The following CCDC73 variants were observed in gnomAD, a reference collection of about 807,000 sequenced individuals.
CCDC73 encodes coiled-coil domain containing 73.
In CCDC73, 95 loss-of-function variants were observed where a neutral mutation model predicts 116.5. The observed-to-expected ratio is 0.82, with a 90% CI of 0.69 to 0.97. CCDC73 has a LOEUF of 0.97. CCDC73 is among the 50% of genes least tolerant of loss of function. CCDC73 has a pLI of 0.00. For synonymous variants in CCDC73, 398 were observed against 401.3 expected, an observed-to-expected ratio of 0.99 and a Z score of 0.10; for missense variants, 1,066 against 1,206.8, an observed-to-expected ratio of 0.88 and a Z score of 1.73.
chr11:32,703,694 T>C (rs1849831692), intron 3 of CCDC73, among the ~76,000 whole-genome samples: 1 of 152,050 alleles, frequency 6.6e-6, no homozygotes, highest in Non-Finnish European at 1.5e-5. Flanking sequence ...TTAAGTTCCC[T>C]GGAATAATTT....
intron 2 of CCDC73, among the ~76,000 whole-genome samples, chr11:32,755,805 A>ATATATATATCTCCATATATGTGTGTG: frequency 7.6e-6 from 1 of 131,526 alleles, no homozygotes; most frequent in South Asian, 2.3e-4. Context: ...ATATGTGTAT[A>ATATATATATCTCCATATATGTGTGTG]TATATATCTC....
chr11:32,620,632 AAG>A (rs1554961293), intron 14 of CCDC73, among the ~76,000 whole-genome samples: 13 of 150,804 alleles, frequency 8.6e-5, no homozygotes, highest in African/African-American at 2.4e-4. Flanking sequence ...AAAAAAAAAA[AAG>A]AAGTGACATT....
At chr11:32,811,949 CT>C in the CCDC73 span, among the ~76,000 whole-genome samples, 3,991 of 146,382 alleles carry the variant, frequency 0.027, 157 homozygotes, top group African/African-American at 0.09. Flanking sequence ...ATGGTTGATC[CT>C]TTTTTTTTTT....
rs555641609 is a variant in CCDC73 at position 32,727,634 on chromosome 11, G to A, written c.136-9487C>T. ...GTCCCCCAGGCTGGAGCGCAGTGGC[G>A]CCATCTCGGCTCACTGCAACCTCTG... On this transcript the variant is annotated intron_variant, in intron 2 of 17. Transcript: ENST00000335185. Among the ~76,000 whole-genome samples the A allele has an allele frequency of 1.7e-3, 259 of 152,100 alleles. 1 individual carries two copies. Among genetic ancestry groups the A allele is most frequent in the African/African-American group, 6.2e-3 (257 of 41,488 alleles).
intron 1 of CCDC73, among the ~76,000 whole-genome samples, chr11:32,788,451 A>G (rs1011695418): frequency 6.6e-5 from 10 of 152,078 alleles, no homozygotes; most frequent in Middle Eastern, 6.8e-3. Context: ...GGAACTACAG[A>G]TGATACAAAT....
intron 14 of CCDC73, among the ~76,000 whole-genome samples, chr11:32,628,823 T>C (rs1855600034): frequency 6.6e-6 from 1 of 152,218 alleles, no homozygotes; most frequent in East Asian, 1.9e-4. Flanking sequence ...GTTATGTCAC[T>C]ATTTATAATG....
the CCDC73 span, among the ~76,000 whole-genome samples, chr11:32,828,023 A>G: frequency 6.6e-6 from 1 of 152,196 alleles, no homozygotes; most frequent in Non-Finnish European, 1.5e-5. Context: ...TTAGACCACG[A>G]GGTAGACAAA....
At chr11:32,731,923 A>T (rs1456459603) in intron 2 of CCDC73, among the ~76,000 whole-genome samples, 1 of 152,238 alleles carries the variant, frequency 6.6e-6, no homozygotes, top group Non-Finnish European at 1.5e-5. Flanking sequence ...GACTTTGACA[A>T]GTTGAGAGAA....
intron 2 of CCDC73, among the ~76,000 whole-genome samples, chr11:32,749,219 T>C (rs776825928): frequency 5.9e-5 from 9 of 152,028 alleles, no homozygotes; most frequent in African/African-American, 1.9e-4. Flanking sequence ...TGTATGTGTG[T>C]TTCTTTTTTC....
chr11:32,804,242 G>A, the CCDC73 span, among the ~76,000 whole-genome samples: 2 of 152,194 alleles, frequency 1.3e-5, no homozygotes, highest in African/African-American at 4.8e-5. Context: ...AAGATCAAGT[G>A]ATTATCCTGC....
chr11:32,795,249 G>C (rs1315154258), upstream of CCDC73, among the ~76,000 whole-genome samples: 1 of 152,078 alleles, frequency 6.6e-6, no homozygotes, highest in African/African-American at 2.4e-5. Context: ...TGGGAGGATT[G>C]CTTCAGGTCA....
rs1463716447 is a variant in CCDC73 at position 32,766,091 on chromosome 11, T to A, written c.-15-5833A>T. On this transcript the variant is annotated intron_variant, in intron 1 of 17. Transcript: ENST00000335185. Reference sequence around the variant, plus strand: ...CTGGCAAACCGAATCCAGCAGCACATCAAAAAACTTATCCACCATGATCAA... The same window carrying A: ...CTGGCAAACCGAATCCAGCAGCACAACAAAAAACTTATCCACCATGATCAA... Among the ~76,000 whole-genome samples the A allele has an allele frequency of 5.3e-5, 8 of 152,200 alleles. No homozygotes were observed. In the East Asian group the frequency reaches 1.5e-3, roughly 29 times the overall value.
the CCDC73 span, among the ~76,000 whole-genome samples, chr11:32,812,662 T>C: frequency 8.0e-6 from 1 of 124,230 alleles, no homozygotes; most frequent in Admixed American, 8.6e-5. Flanking sequence ...AGAGTGAAAC[T>C]ACATCTCCAA....
intron 1 of CCDC73, among the ~76,000 whole-genome samples, chr11:32,765,192 A>C (rs1197359320): frequency 6.6e-6 from 1 of 152,212 alleles, no homozygotes; most frequent in Non-Finnish European, 1.5e-5. Flanking sequence ...CACTGTCAAC[A>C]TTAGACAGCT....
At chr11:32,636,357 T>A (rs913883744) in intron 13 of CCDC73, among the ~76,000 whole-genome samples, 5 of 152,080 alleles carry the variant, frequency 3.3e-5, no homozygotes, top group African/African-American at 1.2e-4. Flanking sequence ...ACTAGATGAG[T>A]ACTAAGCACT....
At chr11:32,808,938 A>G in the CCDC73 span, among the ~76,000 whole-genome samples, 17,947 of 152,240 alleles carry the variant, frequency 0.12, 1,087 homozygotes, top group African/African-American at 0.13. Flanking sequence ...CTATAAAATT[A>G]AAATCATTCT....
the CCDC73 span, among the ~76,000 whole-genome samples, chr11:32,803,492 T>G: frequency 6.6e-6 from 1 of 152,224 alleles, no homozygotes; most frequent in Non-Finnish European, 1.5e-5. Context: ...ACTTATCAAT[T>G]TAGTTCATAG....
chr11:32,620,967 A>G (rs949776575), intron 14 of CCDC73, among the ~76,000 whole-genome samples: 1 of 152,186 alleles, frequency 6.6e-6, no homozygotes, highest in African/African-American at 2.4e-5. Flanking sequence ...ACAGCTAACA[A>G]GAGACGTGAA....
At chr11:32,629,673 G>T (rs550422389) in intron 14 of CCDC73, among the ~76,000 whole-genome samples, 3 of 151,154 alleles carry the variant, frequency 2.0e-5, no homozygotes, top group African/African-American at 7.3e-5. Context: ...GCTGGTACAG[G>T]CGTAAGCCTC....
Sources: allele counts gnomAD v4.1 joint callset (sites outside exome capture counted in the v4.1 genomes callset), GRCh38; gene constraint gnomAD v4.1.1; transcripts MANE v1.5; gene names NCBI Gene and HGNC (gene_info 2026-07-23, HGNC 2026-07-21).